PDCD10: variants seen among roughly 807,000 people sequenced by gnomAD.
PDCD10 encodes programmed cell death protein 10.
Under a neutral mutation model 29.2 loss-of-function variants are expected in PDCD10, and 4 were observed. That is an observed-to-expected ratio of 0.14 (90% CI 0.07 to 0.31). The LOEUF (loss-of-function observed/expected upper bound fraction) is 0.31, where lower values mean the gene tolerates loss of function less well. PDCD10 is among the 10% of genes least tolerant of loss of function. PDCD10 has a pLI of 1.00. For missense variants in PDCD10, 183 were observed against 257.9 expected (o/e 0.71, Z 1.99); for synonymous variants, 70 against 82.2 (o/e 0.85, Z 0.80).
intron 3 of PDCD10, among the ~76,000 whole-genome samples, chr3:167,708,834 T>C (rs906451867): frequency 2.6e-5 from 4 of 152,208 alleles, no homozygotes; most frequent in Non-Finnish European, 5.9e-5. Flanking sequence ...GTGAAATATA[T>C]GCGAAAGATT....
intron 3 of PDCD10, among the ~76,000 whole-genome samples, chr3:167,719,160 A>G (rs1723325260): frequency 6.6e-6 from 1 of 152,188 alleles, no homozygotes; most frequent in South Asian, 2.1e-4. Context: ...TATTTTACAA[A>G]GAGAGATGAA....
At chr3:167,733,877 G>C (rs1725083516) in intron 2 of PDCD10, among the ~76,000 whole-genome samples, 1 of 152,108 alleles carries the variant, frequency 6.6e-6, no homozygotes, top group Admixed American at 6.5e-5. Context: ...CCTAAAAAAA[G>C]GGGAAAAATC....
intron 2 of PDCD10, among the ~76,000 whole-genome samples, chr3:167,727,301 G>A (rs964153549): frequency 2.0e-5 from 3 of 152,064 alleles, no homozygotes; most frequent in African/African-American, 7.2e-5. Context: ...TGGCTCCTAC[G>A]ATATTTCAAA....
intron 6 of PDCD10, among the ~76,000 whole-genome samples, chr3:167,693,087 T>C (rs904819833): frequency 1.4e-4 from 21 of 152,218 alleles, no homozygotes; most frequent in Admixed American, 1.1e-3. Context: ...TCACGAACCA[T>C]TATTTTCTAT....
intron 2 of PDCD10, among the ~76,000 whole-genome samples, chr3:167,731,404 A>G (rs917849745): frequency 1.3e-5 from 2 of 152,200 alleles, no homozygotes; most frequent in Admixed American, 6.5e-5. Context: ...GAGACCTCCA[A>G]AAAGAACAAA....
chr3:167,724,089 G>A (rs1203950361), intron 2 of PDCD10, among the ~76,000 whole-genome samples: 1 of 151,982 alleles, frequency 6.6e-6, no homozygotes, highest in Admixed American at 6.5e-5. Context: ...GCCACACATG[G>A]GTATATCTCA....
chr3:167,720,122 A>C lies in PDCD10; in HGVS notation c.36T>G (p.Ala12=), dbSNP rs747679505. 11 of 1,612,454 alleles carry C rather than the reference A, an allele frequency of 6.8e-6. No individual in the cohort carries two copies. The South Asian group carries it at 1.1e-4, about 16-fold the overall frequency. ...RMTMEEMKNE[A]ETTSMVSMPL... ...GCATAGAAACCATGGATGTGGTCTC[A>C]GCTTCATTCTTCATCTCTTCCATTG... The change falls in exon 3 of 9, where the codon GCT becomes GCG. Residue 12 remains alanine, a synonymous_variant. Transcript: ENST00000392750.
At chr3:167,720,812 T>C (rs1257103674) in intron 2 of PDCD10, among the ~76,000 whole-genome samples, 1 of 152,066 alleles carries the variant, frequency 6.6e-6, no homozygotes, top group Non-Finnish European at 1.5e-5. Flanking sequence ...GCACCAAATA[T>C]GTCAAACATA....
intron 2 of PDCD10, among the ~76,000 whole-genome samples, chr3:167,722,109 A>G (rs1423972540): frequency 6.6e-6 from 1 of 152,172 alleles, no homozygotes; most frequent in East Asian, 1.9e-4. Flanking sequence ...CAGTGGTATC[A>G]GTTAAAATGA....
At chr3:167,732,024 G>A (rs1724870605) in intron 2 of PDCD10, among the ~76,000 whole-genome samples, 1 of 152,190 alleles carries the variant, frequency 6.6e-6, no homozygotes, top group Non-Finnish European at 1.5e-5. Context: ...CTGGAGATAA[G>A]GACGGAGAGC....
intron 6 of PDCD10, among the ~76,000 whole-genome samples, chr3:167,688,295 C>A (rs1719853360): frequency 6.6e-6 from 1 of 152,120 alleles, no homozygotes; most frequent in Non-Finnish European, 1.5e-5. Context: ...TTCTATCTAG[C>A]AGCCAAATAT....
chr3:167,695,738 C>T lies in PDCD10; in HGVS notation c.269-16G>A, dbSNP rs745887540. On this transcript the variant is annotated splice_polypyrimidine_tract_variant and intron_variant, in intron 5 of 8. Transcript: ENST00000392750. Reference sequence around the variant, plus strand: ...ATCATATACTCTGATAAAATAAATACATAATAAAAAACATCCTGCGACTCT... The same window carrying T: ...ATCATATACTCTGATAAAATAAATATATAATAAAAAACATCCTGCGACTCT... 1.4e-5 allele frequency: 22 copies of T among 1,612,212 alleles called. No individual in the cohort carries two copies. The Admixed American group carries it at 3.7e-4, about 27-fold the overall frequency.
At chr3:167,731,148 C>T (rs1302517477) in intron 2 of PDCD10, among the ~76,000 whole-genome samples, 1 of 152,026 alleles carries the variant, frequency 6.6e-6, no homozygotes, top group Non-Finnish European at 1.5e-5. Context: ...TTGATGTCTT[C>T]AGCTATAAAA....
In PDCD10 at chr3:167,687,189, T is replaced by A. The variant is rs551366570; in HGVS notation, c.557+45A>T. 14 of 983,352 alleles carry A rather than the reference T, an allele frequency of 1.4e-5. 1 individual carries two copies. The South Asian group carries it at 1.7e-4, about 12-fold the overall frequency. 60.9% of individuals were successfully genotyped at this position (983,352 alleles called of 1,614,324 possible). A position where few individuals can be genotyped will look rare whatever the true frequency, so the allele number is the denominator to read the frequency against. The stretch of plus-strand genomic sequence containing the variant: ...GGTTTTCATATCATATAAAACCACA[T>A]AATCTATTTAATTTTAAAAGTAAAG... On this transcript the variant is annotated intron_variant, in intron 8 of 8. Transcript: ENST00000392750.
At chr3:167,693,468 A>G (rs1720473342) in intron 6 of PDCD10, among the ~76,000 whole-genome samples, 2 of 152,208 alleles carry the variant, frequency 1.3e-5, no homozygotes, top group African/African-American at 2.4e-5. Context: ...CCAATTCACA[A>G]TTTAATAGCA....
At chr3:167,690,655 G>C (rs1037947008) in intron 6 of PDCD10, among the ~76,000 whole-genome samples, 1 of 152,162 alleles carries the variant, frequency 6.6e-6, no homozygotes, top group African/African-American at 2.4e-5. Flanking sequence ...AAGGCCTTTT[G>C]AAATATTTGC....
At chr3:167,719,020 C>T (rs1723303014) in intron 3 of PDCD10, among the ~76,000 whole-genome samples, 2 of 152,052 alleles carry the variant, frequency 1.3e-5, no homozygotes, top group Non-Finnish European at 2.9e-5. Flanking sequence ...CTGTGGCTTT[C>T]ATGGCAACGA....
chr3:167,720,865 T>G (rs1038578237), intron 2 of PDCD10, among the ~76,000 whole-genome samples: 6 of 152,056 alleles, frequency 3.9e-5, no homozygotes, highest in African/African-American at 1.4e-4. Context: ...CTTGGTAAAA[T>G]ACTTGCTACT....
intron 6 of PDCD10, among the ~76,000 whole-genome samples, chr3:167,688,909 T>C (rs923493146): frequency 6.6e-6 from 1 of 152,192 alleles, no homozygotes; most frequent in East Asian, 1.9e-4. Flanking sequence ...CAGCATATTT[T>C]TCAGTAAATA....
Sources: gnomAD v4.1 joint callset for allele counts (sites outside exome capture counted in the v4.1 genomes callset) on GRCh38, gnomAD v4.1.1 for gene constraint, MANE v1.5 for transcripts, NCBI Gene and HGNC (gene_info 2026-07-23, HGNC 2026-07-21) for gene names.